HECW2: variants seen among roughly 807,000 people sequenced by gnomAD.
HECW2 encodes the protein E3 ubiquitin-protein ligase HECW2.
Under a neutral mutation model 175.2 loss-of-function variants are expected in HECW2, and 61 were observed. That is an observed-to-expected ratio of 0.35 (90% confidence interval 0.28 to 0.43). The LOEUF (loss-of-function observed/expected upper bound fraction) is 0.43. HECW2 is among the 20% of genes least tolerant of loss of function. HECW2 has a pLI of 1.00. For missense variants in HECW2, 1,524 were observed against 2,000.5 expected (o/e 0.76, Z 4.54); for synonymous variants, 671 against 731.0 (o/e 0.92, Z 1.32).
chr2:196,249,714 G>C (rs1401167157), intron 19 of HECW2, among the ~76,000 whole-genome samples: 1 of 152,210 alleles, frequency 6.6e-6, no homozygotes, highest in African/African-American at 2.4e-5. Context: ...ATGAGGTTAG[G>C]TAGTCCTGCC....
intron 1 of HECW2, among the ~76,000 whole-genome samples, chr2:196,475,233 C>G (rs1178170743): frequency 6.6e-6 from 1 of 151,922 alleles, no homozygotes; most frequent in Non-Finnish European, 1.5e-5. Flanking sequence ...CCTGCCAGAT[C>G]GGAGAGTTCC....
intron 26 of HECW2, among the ~76,000 whole-genome samples, chr2:196,219,211 TA>T (rs1355413294): frequency 6.6e-6 from 1 of 152,218 alleles, no homozygotes; most frequent in Non-Finnish European, 1.5e-5. Context: ...TACTTTGAGT[TA>T]AAAAACAAAA....
intron 13 of HECW2, among the ~76,000 whole-genome samples, chr2:196,293,415 G>C (rs896567788): frequency 1.3e-5 from 2 of 152,114 alleles, no homozygotes; most frequent in African/African-American, 4.8e-5. Context: ...ATGGATATTT[G>C]GGTTGATTCC....
At chr2:196,248,738 G>T (rs1007782367) in intron 19 of HECW2, among the ~76,000 whole-genome samples, 1 of 152,050 alleles carries the variant, frequency 6.6e-6, no homozygotes, top group East Asian at 1.9e-4. Flanking sequence ...TAAACAGCTG[G>T]TAAAATGCTA....
chr2:196,270,604 A>T (rs1265148075), intron 17 of HECW2, among the ~76,000 whole-genome samples: 2 of 152,204 alleles, frequency 1.3e-5, no homozygotes, highest in Non-Finnish European at 2.9e-5. Context: ...TAATTTCATT[A>T]TAATCTGCAC....
chr2:196,248,777 A>C (rs1688751389), intron 19 of HECW2, among the ~76,000 whole-genome samples: 1 of 152,296 alleles, frequency 6.6e-6, no homozygotes, highest in Admixed American at 6.5e-5. Flanking sequence ...AAGAAAACGA[A>C]GATCATTAAG....
rs57944189 is a variant in HECW2, at chr2:196,411,882, C to T, written c.292+21250G>A. On this transcript the variant is annotated intron_variant, in intron 2 of 28. Coordinates refer to ENST00000644978, the MANE Select transcript of HECW2 (RefSeq NM_001348768.2). The stretch of plus-strand genomic sequence containing the variant: ...AAAAACTAGCTGGTGTAGTGGCGCA[C>T]ACCTGTAGTCCCAGCTACTTGGGAG... 3.9e-3 allele frequency among the ~76,000 whole-genome samples: 601 copies of T among 152,300 alleles called. 5 individuals are homozygous for T. Among genetic ancestry groups the T allele is most frequent in the African/African-American group, 0.014 (567 of 41,548 alleles).
intron 3 of HECW2, among the ~76,000 whole-genome samples, chr2:196,342,835 T>A (rs1559054465): frequency 2.0e-5 from 3 of 152,150 alleles, no homozygotes. Context: ...AGGCAAGTCA[T>A]GTTATTAAAT....
chr2:196,196,671 T>C lies in HECW2; in HGVS notation c.*4606A>G, dbSNP rs1686699173. 6.6e-6 allele frequency: 1 copy of C among 152,478 alleles called. No homozygotes were observed. The allele number at this position is 152,478 out of a possible 1,614,324, so 9.4% of individuals were successfully genotyped here. On this transcript the variant is annotated 3_prime_UTR_variant, in exon 29 of 29. Transcript: ENST00000644978. ...AAAATTAGCTGGGCATGGTGGTGCA[T>C]GCCTGTAGTCCTAGCTACTCGGAGG...
At chr2:196,541,281 T>C in intron 1 of HECW2, among the ~76,000 whole-genome samples, 1 of 152,196 alleles carries the variant, frequency 6.6e-6, no homozygotes, top group South Asian at 2.1e-4. Context: ...ACATAATTAA[T>C]ATTATGTAAT....
chr2:196,476,451 A>G (rs1326528251), intron 1 of HECW2, among the ~76,000 whole-genome samples: 5 of 152,104 alleles, frequency 3.3e-5, no homozygotes, highest in African/African-American at 1.2e-4. Context: ...TCAAAAAAAA[A>G]AAAAAAAGGC....
intron 1 of HECW2, among the ~76,000 whole-genome samples, chr2:196,588,070 C>T (rs1691052166): frequency 6.6e-6 from 1 of 152,210 alleles, no homozygotes; most frequent in Non-Finnish European, 1.5e-5. Context: ...ATGAAGCCTA[C>T]TCAACCACAC....
At chr2:196,421,025 A>G (rs1407425358) in intron 2 of HECW2, among the ~76,000 whole-genome samples, 1 of 152,154 alleles carries the variant, frequency 6.6e-6, no homozygotes, top group Non-Finnish European at 1.5e-5. Context: ...ACTCAATTAC[A>G]TATGTCAAAA....
At chr2:196,586,468 T>C (rs902292450) in intron 1 of HECW2, 1 of 152,218 alleles carries the variant, frequency 6.6e-6, no homozygotes, top group East Asian at 1.9e-4. Context: ...GGGGAAGCAG[T>C]CTTACACTCA....
At chr2:196,388,721 A>C (rs1262745011) in intron 2 of HECW2, among the ~76,000 whole-genome samples, 2 of 152,168 alleles carry the variant, frequency 1.3e-5, no homozygotes, top group Non-Finnish European at 2.9e-5. Flanking sequence ...CATAATTTTC[A>C]ATCTATAAGA....
intron 4 of HECW2, among the ~76,000 whole-genome samples, chr2:196,331,546 T>C (rs1040839300): frequency 6.6e-6 from 1 of 152,212 alleles, no homozygotes; most frequent in Non-Finnish European, 1.5e-5. Flanking sequence ...TTGTGCTAAA[T>C]GAGTTTAATG....
intron 1 of HECW2, among the ~76,000 whole-genome samples, chr2:196,565,832 C>A (rs1340526619): frequency 6.6e-6 from 1 of 152,040 alleles, no homozygotes; most frequent in Non-Finnish European, 1.5e-5. Flanking sequence ...CTATCAATGA[C>A]AAATAATGTA....
chr2:196,398,264 T>C (rs942630297), intron 2 of HECW2, among the ~76,000 whole-genome samples: 29 of 152,338 alleles, frequency 1.9e-4, no homozygotes, highest in Admixed American at 1.5e-3. Flanking sequence ...TTAAGGGTTT[T>C]GAAGACAGAA....
intron 2 of HECW2, among the ~76,000 whole-genome samples, chr2:196,384,815 T>C (rs886302455): frequency 1.8e-4 from 27 of 152,360 alleles, no homozygotes; most frequent in African/African-American, 5.8e-4. Flanking sequence ...TCACTTCTCC[T>C]AAATACTTTT....
Sources: allele counts gnomAD v4.1 joint callset (sites outside exome capture counted in the v4.1 genomes callset), GRCh38; gene constraint gnomAD v4.1.1; transcripts MANE v1.5; gene names NCBI Gene and HGNC (gene_info 2026-07-23, HGNC 2026-07-21).